The following SLC36A1 variants were observed in gnomAD, a reference collection of about 807,000 sequenced individuals.
The protein encoded by SLC36A1 is proton-coupled amino acid transporter 1.
In SLC36A1, 30 loss-of-function variants were observed where a neutral mutation model predicts 47.5. The observed-to-expected ratio is 0.63, with a 90% CI of 0.47 to 0.86. SLC36A1 has a LOEUF of 0.86. Ranked by LOEUF, SLC36A1 falls within the 40% of genes least tolerant of loss-of-function variation. The probability of loss-of-function intolerance (pLI) is 0.00; values close to 1 mark genes in which losing one functional copy is unlikely to be tolerated. For missense variants in SLC36A1, 517 were observed against 606.0 expected (o/e 0.85, Z 1.54); for synonymous variants, 255 against 249.7 (o/e 1.02, Z -0.20).
At chr5:151,551,121 A>C in the SLC36A1 span, among the ~76,000 whole-genome samples, 1,970 of 152,316 alleles carry the variant, frequency 0.013, 45 homozygotes, top group African/African-American at 0.044. Context: ...GTTGTGTGAA[A>C]TCCAAATGTA....
the SLC36A1 span, among the ~76,000 whole-genome samples, chr5:151,359,281 G>A: frequency 6.6e-6 from 1 of 152,102 alleles, no homozygotes; most frequent in Non-Finnish European, 1.5e-5. Flanking sequence ...AAATCTCCTG[G>A]CTACCCCCAC....
At chr5:151,505,603 C>G in the SLC36A1 span, 5 of 1,614,218 alleles carry the variant, frequency 3.1e-6, no homozygotes, top group Admixed American at 6.7e-5. Flanking sequence ...TAATCACTCT[C>G]CACCATGTCA....
At chr5:151,403,865 G>T in the SLC36A1 span, among the ~76,000 whole-genome samples, 1 of 152,178 alleles carries the variant, frequency 6.6e-6, no homozygotes, top group South Asian at 2.1e-4. Flanking sequence ...CAGAGTATGT[G>T]CCATGTGCAG....
At chr5:151,420,846 G>A in the SLC36A1 span, among the ~76,000 whole-genome samples, 9 of 151,010 alleles carry the variant, frequency 6.0e-5, no homozygotes, top group Admixed American at 2.6e-4. Flanking sequence ...AAGAAATCTT[G>A]TAGTTTTTCC....
chr5:151,492,486 A>C (rs1194221191), downstream of SLC36A1: 2 of 151,414 alleles, frequency 1.3e-5, no homozygotes, highest in Non-Finnish European at 2.9e-5. Context: ...TTCATATGGC[A>C]AAGTGGCACA....
At chr5:151,438,912 A>G (rs1368920620) in intron 1 of SLC36A1, among the ~76,000 whole-genome samples, 1 of 152,196 alleles carries the variant, frequency 6.6e-6, no homozygotes, top group Non-Finnish European at 1.5e-5. Flanking sequence ...CCACAAAAAT[A>G]CTATTGATAT....
the SLC36A1 span, chr5:151,521,903 G>T: frequency 6.2e-7 from 1 of 1,613,946 alleles, no homozygotes; most frequent in Non-Finnish European, 8.5e-7. Context: ...CTATAGGTCA[G>T]CGTGTCCTGG....
chr5:151,404,876 G>A, the SLC36A1 span, among the ~76,000 whole-genome samples: 1 of 152,140 alleles, frequency 6.6e-6, no homozygotes, highest in Non-Finnish European at 1.5e-5. Flanking sequence ...TCTGATGACT[G>A]TGTGTCTTGT....
the SLC36A1 span, chr5:151,528,075 C>T: frequency 6.2e-7 from 1 of 1,614,216 alleles, no homozygotes. Flanking sequence ...CTGGTTCCCT[C>T]CTATGAGGCT....
At chr5:151,505,978 G>C in the SLC36A1 span, 1 of 1,573,614 alleles carries the variant, frequency 6.4e-7, no homozygotes, top group Non-Finnish European at 8.6e-7. Context: ...ATCACGACTG[G>C]GGTTGAGTGG....
At chr5:151,467,676 G>A (rs1561757177) in intron 6 of SLC36A1, 31 bp from the exon 7 acceptor site, 2 of 1,580,530 alleles carry the variant, frequency 1.3e-6, no homozygotes, top group Non-Finnish European at 1.7e-6. Context: ...TTTGAGAGGT[G>A]TTTCCGTTTT....
chr5:151,554,885 G>C, the SLC36A1 span, among the ~76,000 whole-genome samples: 1 of 152,242 alleles, frequency 6.6e-6, no homozygotes, highest in Non-Finnish European at 1.5e-5. Flanking sequence ...AGAACTGGAA[G>C]AAGACAGAGT....
At chr5:151,494,390 A>G (rs1004835609), downstream of SLC36A1, among the ~76,000 whole-genome samples, 3 of 152,222 alleles carry the variant, frequency 2.0e-5, no homozygotes, top group Admixed American at 1.3e-4. Flanking sequence ...TGTGACCACC[A>G]TCTCAATCAA....
At chr5:151,548,190 T>G in the SLC36A1 span, among the ~76,000 whole-genome samples, 1 of 152,154 alleles carries the variant, frequency 6.6e-6, no homozygotes, top group Non-Finnish European at 1.5e-5. Flanking sequence ...AGCTACTGTA[T>G]AAGCTACTGA....
Position 151,488,770 on chromosome 5 carries a change from C to G in SLC36A1, c.*516C>G, listed in dbSNP as rs1233250110. ...TTCGAGTCTCCAGGGGGTGGCTGGACCTACCTGGTCATTTGAAACAGGCCC... is the reference window on the plus strand; with the variant it reads ...TTCGAGTCTCCAGGGGGTGGCTGGAGCTACCTGGTCATTTGAAACAGGCCC... On this transcript the variant is annotated 3_prime_UTR_variant, in exon 11 of 11. Transcript: ENST00000243389. 6.2e-6 allele frequency: 1 copy of G among 160,576 alleles called. No homozygotes were observed. Among genetic ancestry groups the G allele is most frequent in the East Asian group, 1.9e-4 (1 of 5,396 alleles). The allele number at this position is 160,576 out of a possible 1,614,324, so 9.9% of individuals were successfully genotyped here.
the SLC36A1 span, chr5:151,544,631 T>C: frequency 6.2e-7 from 1 of 1,614,178 alleles, no homozygotes; most frequent in Non-Finnish European, 8.5e-7. Flanking sequence ...GGGTTGGATT[T>C]ATTTCTCACA....
the SLC36A1 span, among the ~76,000 whole-genome samples, chr5:151,350,824 C>T: frequency 7.9e-4 from 120 of 152,170 alleles, 1 homozygote; most frequent in African/African-American, 2.8e-3. Flanking sequence ...ACCTCAGCCT[C>T]CCAAGTAGCC....
At chr5:151,390,368 C>G in the SLC36A1 span, among the ~76,000 whole-genome samples, 1 of 152,184 alleles carries the variant, frequency 6.6e-6, no homozygotes, top group African/African-American at 2.4e-5. Flanking sequence ...CCTGATCACT[C>G]TGACGGTAGT....
At chr5:151,468,896 G>T (rs75008563) in intron 7 of SLC36A1, among the ~76,000 whole-genome samples, 8,043 of 152,102 alleles carry the variant, frequency 0.053, 654 homozygotes, top group African/African-American at 0.18. Flanking sequence ...AAATTCACTT[G>T]TTCCTTGCCC....
Sources: gnomAD v4.1 joint callset for allele counts (sites outside exome capture counted in the v4.1 genomes callset) on GRCh38, gnomAD v4.1.1 for gene constraint, MANE v1.5 for transcripts, NCBI Gene and HGNC (gene_info 2026-07-23, HGNC 2026-07-21) for gene names.